SEPTIN7: variants seen among roughly 807,000 people sequenced by gnomAD.
SEPTIN7 encodes the protein septin 7.
Under a neutral mutation model 63.3 loss-of-function variants are expected in SEPTIN7, and 10 were observed. The observed-to-expected ratio is 0.16, with a 90% confidence interval of 0.10 to 0.27. The LOEUF is 0.27. Ranked by LOEUF, SEPTIN7 falls within the 10% of genes least tolerant of loss-of-function variation. The pLI, the probability that SEPTIN7 is intolerant of heterozygous loss-of-function variation, is 1.00. For synonymous variants in SEPTIN7, 131 were observed against 165.3 expected, an observed-to-expected ratio of 0.79 and a Z score of 1.59; for missense variants, 310 against 521.0, an observed-to-expected ratio of 0.59 and a Z score of 3.94.
intron 4 of SEPTIN7, among the ~76,000 whole-genome samples, chr7:35,871,126 G>A (rs964970437): frequency 6.6e-6 from 1 of 152,074 alleles, no homozygotes; most frequent in African/African-American, 2.4e-5. Context: ...TATATTTGGT[G>A]GATAAATATC....
chr7:35,851,817 A>G (rs527660409), intron 3 of SEPTIN7, among the ~76,000 whole-genome samples: 2 of 152,324 alleles, frequency 1.3e-5, no homozygotes, highest in South Asian at 4.1e-4. Flanking sequence ...ACATTTTGGT[A>G]TGGAAGTAAA....
Position 35,832,706 on chromosome 7 carries a change from TTTTCTAAAATA to T in SEPTIN7, c.67-91_67-81del, listed in dbSNP as rs1437406305. The T allele has an allele frequency of 8.9e-6, 7 of 785,058 alleles. No individual in the cohort carries two copies. In the African/African-American group the frequency reaches 1.2e-4, roughly 13 times the overall value. The allele number at this position is 785,058 out of a possible 1,614,324, so 48.6% of individuals were successfully genotyped here. On this transcript the variant is annotated intron_variant, in intron 2 of 13. Coordinates refer to ENST00000350320, the MANE Select transcript of SEPTIN7 (RefSeq NM_001788.6). ...TGATTTGCTGTGAATAATAGTATAA[TTTTCTAAAATA>T]GGTTAATGAAGGGAATTTGAAAGTG...
chr7:35,909,309 T>C (rs1788695748), downstream of SEPTIN7, among the ~76,000 whole-genome samples: 1 of 152,174 alleles, frequency 6.6e-6, no homozygotes, highest in East Asian at 1.9e-4. Context: ...GAACTCAAAT[T>C]GGCATTTTCT....
intron 1 of SEPTIN7, among the ~76,000 whole-genome samples, chr7:35,811,904 C>T (rs1230160174): frequency 6.6e-6 from 1 of 152,020 alleles, no homozygotes; most frequent in Non-Finnish European, 1.5e-5. Flanking sequence ...TGCCTATAAT[C>T]CCAGCTACTC....
chr7:35,810,625 A>G (rs1788640864), intron 1 of SEPTIN7, among the ~76,000 whole-genome samples: 2 of 151,010 alleles, frequency 1.3e-5, no homozygotes, highest in South Asian at 2.1e-4. Context: ...GCCCAGCCAG[A>G]TGTTTACTTA....
chr7:35,832,148 G>A (rs754027376), intron 2 of SEPTIN7: 20 of 452,618 alleles, frequency 4.4e-5, no homozygotes, highest in South Asian at 2.8e-4. Flanking sequence ...AGAAAATGAA[G>A]TTATAAGTTA....
chr7:35,869,061 A>G (rs1375543479), intron 4 of SEPTIN7, among the ~76,000 whole-genome samples: 4 of 152,182 alleles, frequency 2.6e-5, no homozygotes, highest in African/African-American at 9.7e-5. Flanking sequence ...CATGAATTTT[A>G]TGGTATAGGA....
chr7:35,807,351 ATTTTTTTT>A (rs70974769), intron 1 of SEPTIN7, among the ~76,000 whole-genome samples: 3 of 22,188 alleles, frequency 1.4e-4, no homozygotes, highest in African/African-American at 7.0e-4. Context: ...GCCCGGCTGA[ATTTTTTTT>A]TTTTTTTTTT....
At position 35,863,636 on chromosome 7, in the gene SEPTIN7, A is replaced by G; in HGVS notation, c.254A>G (p.His85Arg). 6.4e-7 allele frequency: 1 copy of G among 1,561,388 alleles called. No homozygotes were observed. The highest frequency in any genetic ancestry group is 1.1e-5 in the South Asian group (1 of 89,792). ...TCTCCAGAGTATCCAGGTCCTTCTC[A>G]TAGAATTAAAAAGACTGTACAGGTA... ...LYSPEYPGPSHRIKKTVQVEQ... is the reference protein window; with the variant it reads ...LYSPEYPGPSRRIKKTVQVEQ... Residue 85 changes from histidine (H) to arginine (R), a missense_variant, in exon 4 of 14, where the codon CAT (histidine) becomes CGT (arginine). By Grantham distance (29) the His-to-Arg change is conservative. This residue lies in a region of SEPTIN7 where 255 missense variants were observed against 490.5 expected (regional missense o/e 0.52). Coordinates refer to ENST00000350320, the MANE Select transcript of SEPTIN7 (RefSeq NM_001788.6).
downstream of SEPTIN7, chr7:35,907,136 G>T (rs142676819): frequency 6.6e-6 from 1 of 152,208 alleles, no homozygotes; most frequent in African/African-American, 2.4e-5. Context: ...TACTTTGCAC[G>T]TTGGAGGCCA....
intron 10 of SEPTIN7, among the ~76,000 whole-genome samples, chr7:35,886,975 T>A (rs2710802): frequency 0.34 from 51,410 of 152,060 alleles, 10,440 homozygotes; most frequent in Non-Finnish European, 0.45. Context: ...ACATGATAGG[T>A]TTAATTCAGC....
intron 3 of SEPTIN7, among the ~76,000 whole-genome samples, chr7:35,850,584 A>G (rs1359989266): frequency 6.6e-6 from 1 of 152,190 alleles, no homozygotes; most frequent in Non-Finnish European, 1.5e-5. Flanking sequence ...GATATCCCAG[A>G]AAGTTGAAAT....
chr7:35,888,492 T>TGA (rs1209912896), intron 10 of SEPTIN7, among the ~76,000 whole-genome samples: 345 of 152,216 alleles, frequency 2.3e-3, no homozygotes, highest in African/African-American at 7.9e-3. Flanking sequence ...TTTAACGATT[T>TGA]TTCAGTGATG....
intron 1 of SEPTIN7, among the ~76,000 whole-genome samples, chr7:35,818,433 T>C (rs1197247771): frequency 2.0e-5 from 3 of 152,076 alleles, no homozygotes; most frequent in Non-Finnish European, 4.4e-5. Flanking sequence ...TTTTACTCGA[T>C]GTGTTTGGTT....
At chr7:35,889,286 C>T (rs1787488579) in intron 10 of SEPTIN7, among the ~76,000 whole-genome samples, 2 of 152,140 alleles carry the variant, frequency 1.3e-5, no homozygotes, top group African/African-American at 4.8e-5. Context: ...GGTAGAACTT[C>T]AGAAGTAACT....
chr7:35,852,389 T>TA (rs1440440322), intron 3 of SEPTIN7, among the ~76,000 whole-genome samples: 1 of 152,150 alleles, frequency 6.6e-6, no homozygotes, highest in East Asian at 1.9e-4. Context: ...ACTACTTTCT[T>TA]ACAATTATTG....
Position 35,905,901 on chromosome 7 carries a change from A to G in SEPTIN7, c.*1608A>G, listed in dbSNP as rs1788587887. On this transcript the variant is annotated 3_prime_UTR_variant, in exon 14 of 14. Transcript: ENST00000350320. ...ATGTAATGCATAATTTAGGTAAGAA[A>G]TTAATTAATGTAGCCTAGTTTATTA... 1 of 152,170 alleles carries G rather than the reference A, an allele frequency of 6.6e-6. No individual in the cohort carries two copies. Among genetic ancestry groups the G allele is most frequent in the Non-Finnish European group, 1.5e-5 (1 of 68,020 alleles). The allele number at this position is 152,170 out of a possible 1,614,324, so 9.4% of individuals were successfully genotyped here.
chr7:35,872,251 T>G (rs1221979280), intron 4 of SEPTIN7, among the ~76,000 whole-genome samples: 1 of 152,186 alleles, frequency 6.6e-6, no homozygotes, highest in Non-Finnish European at 1.5e-5. Context: ...AATGGTAGAT[T>G]AGATGTTCTT....
chr7:35,834,138 A>G (rs1050787759), intron 3 of SEPTIN7, among the ~76,000 whole-genome samples: 2 of 152,016 alleles, frequency 1.3e-5, no homozygotes, highest in African/African-American at 2.4e-5. Flanking sequence ...TCATCATTAT[A>G]TGAAGAAACA....
Sources: allele counts gnomAD v4.1 joint callset (sites outside exome capture counted in the v4.1 genomes callset), GRCh38; gene constraint gnomAD v4.1.1; regional missense constraint gnomAD v4.1.1; transcripts MANE v1.5; gene names NCBI Gene and HGNC (gene_info 2026-07-23, HGNC 2026-07-21).